Variants in ZNF740 observed in about 807,000 individuals in gnomAD.
ZNF740 encodes the protein zinc finger protein 740.
In ZNF740, 14 loss-of-function variants were observed where a neutral mutation model predicts 24.8. The observed-to-expected ratio is 0.56, with a 90% CI of 0.37 to 0.88. ZNF740 has a LOEUF of 0.88. Ranked by LOEUF, ZNF740 falls within the 40% of genes least tolerant of loss-of-function variation. The pLI, the probability that ZNF740 is intolerant of heterozygous loss-of-function variation, is 0.00. For missense variants in ZNF740, 201 were observed against 247.9 expected, an observed-to-expected ratio of 0.81 and a Z score of 1.27; for synonymous variants, 69 against 84.0, an observed-to-expected ratio of 0.82 and a Z score of 0.98.
chr12:53,186,297 C>T (rs1941819147), intron 5 of ZNF740, 94 bp from the exon 6 acceptor site: 26 of 1,257,322 alleles, frequency 2.1e-5, no homozygotes, highest in Non-Finnish European at 2.9e-5. Context: ...TAGGTGTCTA[C>T]ACATTACTAA....
chr12:53,189,882 T>TA lies in ZNF740; in HGVS notation c.*2293dup, dbSNP rs1447629317. 1 of 152,250 alleles carries TA rather than the reference T, an allele frequency of 6.6e-6. No homozygotes were observed. Among genetic ancestry groups the TA allele is most frequent in the East Asian group, 1.9e-4 (1 of 5,200 alleles). 9.4% of individuals were successfully genotyped at this position (152,250 alleles called of 1,614,324 possible). On this transcript the variant is annotated 3_prime_UTR_variant, in exon 7 of 7. Coordinates refer to ENST00000416904, the MANE Select transcript of ZNF740 (RefSeq NM_001004304.4). ...ATGAGAGCCCTCTGTCCCTGCCACT[T>TA]ACAGCTAGTCTCTTTGGGATAGGGG...
Position 53,192,517 on chromosome 12 carries a change from G to C in ZNF740, c.*4927G>C, listed in dbSNP as rs112684199. The C allele has an allele frequency of 6.2e-7, 1 of 1,614,066 alleles. No individual in the cohort carries two copies. Among genetic ancestry groups the C allele is most frequent in the Admixed American group, 1.7e-5 (1 of 60,030 alleles). On this transcript the variant is annotated 3_prime_UTR_variant, in exon 7 of 7. Coordinates refer to ENST00000416904, the MANE Select transcript of ZNF740 (RefSeq NM_001004304.4). ...TGGTGGCCAGTGGGCCAGTCCTGAA[G>C]GCCCCACACTCTGCACAGTCCCTGT... is the stretch of plus-strand genomic sequence containing the variant.
chr12:53,184,919 C>A lies in ZNF740; in HGVS notation c.38C>A (p.Ala13Glu). Residue 13 changes from alanine (A) to glutamate (E), a missense_variant, in exon 3 of 7, where the codon GCA becomes GAA. Ala to Glu is a moderately radical substitution (Grantham distance 107, BLOSUM62 -1). Coordinates refer to ENST00000416904, the MANE Select transcript of ZNF740 (RefSeq NM_001004304.4). ...AGTCTCCTGGCTTGTGAAGGCCTAG[C>A]AGGTGTGAGTTTGGTTCCCACTGCA... ...QASLLACEGLAGVSLVPTAAS... is the reference protein window; with the variant it reads ...QASLLACEGLEGVSLVPTAAS... The A allele has an allele frequency of 6.2e-7, 1 of 1,613,798 alleles. No homozygotes were observed. Among genetic ancestry groups the A allele is most frequent in the Non-Finnish European group, 8.5e-7 (1 of 1,179,802 alleles).
rs1269114878 is a variant in ZNF740, at chr12:53,181,829, A to AT, written c.-152dup. On this transcript the variant is annotated 5_prime_UTR_variant, in exon 2 of 7. Transcript: ENST00000416904. ...TTTTCTTCGGAGGACACTAAGTTCT[A>AT]TTTGAAGACAAAGTTCAATATGGCA... 2.1e-6 allele frequency: 2 copies of AT among 933,818 alleles called. No individual in the cohort carries two copies. Among genetic ancestry groups the AT allele is most frequent in the Non-Finnish European group, 3.2e-6 (2 of 619,246 alleles). 57.8% of individuals were successfully genotyped at this position (933,818 alleles called of 1,614,324 possible). A position where few individuals can be genotyped will look rare whatever the true frequency, so the allele number is the denominator to read the frequency against.
chr12:53,187,426 C>T, intron 6 of ZNF740, 75 bp from the exon 7 acceptor site: 5 of 1,221,126 alleles, frequency 4.1e-6, no homozygotes, highest in Non-Finnish European at 6.0e-6. Flanking sequence ...TATCTGCCTC[C>T]TGTGAGAGGA....
At position 53,193,166 on chromosome 12, in the gene ZNF740, T is replaced by A. The variant is rs1458687964; in HGVS notation, c.*5576T>A. 2 of 1,612,952 alleles carry A rather than the reference T, an allele frequency of 1.2e-6. No homozygotes were observed. The highest frequency in any genetic ancestry group is 2.2e-5 in the South Asian group (2 of 91,026). ...TCCGCAGAGGATGCCCTCATGTCGC[T>A]CACAGCTGGCATCGTCACACTCGCA... is the stretch of plus-strand genomic sequence containing the variant. On this transcript the variant is annotated 3_prime_UTR_variant, in exon 7 of 7. Transcript: ENST00000416904.
Position 53,184,114 on chromosome 12 carries a change from G to GGTGTGTGTGTGTGTGTGTGT in ZNF740, c.10-759_10-740dup, listed in dbSNP as rs754768891. Reference sequence around the variant, plus strand: ...TCAAAAGTGGGCTCTGAAGCTAAGGGGTGTGTGTGTGTGTGTGTGTGTGTG... The same window carrying GGTGTGTGTGTGTGTGTGTGT: ...TCAAAAGTGGGCTCTGAAGCTAAGGGGTGTGTGTGTGTGTGTGTGTGTGTGTGTGTGTGTGTGTGTGTGTG... On this transcript the variant is annotated intron_variant, in intron 2 of 6. Transcript: ENST00000416904. 1.6e-3 allele frequency among the ~76,000 whole-genome samples: 199 copies of GGTGTGTGTGTGTGTGTGTGT among 123,550 alleles called. 1 individual carries two copies. The highest frequency in any genetic ancestry group is 0.011 in the East Asian group (42 of 3,880). 81.1% of individuals were successfully genotyped at this position (123,550 alleles called of 152,430 possible). A position where few individuals can be genotyped will look rare whatever the true frequency, so the allele number is the denominator to read the frequency against.
chr12:53,186,170 G>T (rs1372593846), intron 5 of ZNF740, 93 bp downstream of exon 5: 10 of 1,458,840 alleles, frequency 6.9e-6, no homozygotes, highest in Non-Finnish European at 9.3e-6. Context: ...ATTTTAATGG[G>T]TAAGTATTAG....
At chr12:53,185,503 T>G (rs1941805899) in intron 4 of ZNF740, 27 bp downstream of exon 4, 2 of 1,603,026 alleles carry the variant, frequency 1.2e-6, no homozygotes, top group Middle Eastern at 3.6e-4. Flanking sequence ...TCCCCCAAAC[T>G]CATACAGTTT....
intron 2 of ZNF740, among the ~76,000 whole-genome samples, chr12:53,184,111 A>AGG (rs202020473): frequency 0.027 from 2,674 of 97,678 alleles, 72 homozygotes; most frequent in African/African-American, 0.08. Flanking sequence ...TCTGAAGCTA[A>AGG]GGGGTGTGTG....
intron 2 of ZNF740, among the ~76,000 whole-genome samples, chr12:53,184,041 T>C (rs1457398681): frequency 6.8e-6 from 1 of 146,296 alleles, no homozygotes; most frequent in Non-Finnish European, 1.5e-5. Flanking sequence ...AAGCAAAAAA[T>C]GAAACAAACC....
At position 53,194,098 on chromosome 12, in the gene ZNF740, A is replaced by C; in HGVS notation, c.*6508A>C. The C allele has an allele frequency of 6.5e-7, 1 of 1,529,270 alleles. No homozygotes were observed. Among genetic ancestry groups the C allele is most frequent in the Non-Finnish European group, 9.0e-7 (1 of 1,114,710 alleles). The allele number at this position is 1,529,270 out of a possible 1,614,324, so 94.7% of individuals were successfully genotyped here. On this transcript the variant is annotated 3_prime_UTR_variant, in exon 7 of 7. Transcript: ENST00000416904. ...GGATGGAGGACTACCTCAGGCTCTC[A>C]TGTCACTCCCTGTACCTGCCACCCA...
At position 53,194,122 on chromosome 12, in the gene ZNF740, C is replaced by A; in HGVS notation, c.*6532C>A. ...CATGTCACTCCCTGTACCTGCCACC[C>A]ATCTTTTCCTGCCTGCTTAATTTCC... On this transcript the variant is annotated 3_prime_UTR_variant, in exon 7 of 7. Coordinates refer to ENST00000416904, the MANE Select transcript of ZNF740 (RefSeq NM_001004304.4). The A allele has an allele frequency of 6.3e-7, 1 of 1,589,564 alleles. No individual in the cohort carries two copies. The highest frequency in any genetic ancestry group is 1.1e-5 in the South Asian group (1 of 89,102).
In ZNF740 at chr12:53,192,848, C is replaced by T. The variant is rs202075038; in HGVS notation, c.*5258C>T. ...CAACTGTCCATGTCCCCACTGCATT[C>T]GCATGCTCTGCCCGTGCGGTTGGCA... On this transcript the variant is annotated 3_prime_UTR_variant, in exon 7 of 7. Transcript: ENST00000416904. 14 of 1,614,216 alleles carry T rather than the reference C, an allele frequency of 8.7e-6. No individual in the cohort carries two copies. The highest frequency in any genetic ancestry group is 1.6e-4 in the Middle Eastern group (1 of 6,062).
At position 53,193,756 on chromosome 12, in the gene ZNF740, G is replaced by T; in HGVS notation, c.*6166G>T. 1 of 1,614,032 alleles carries T rather than the reference G, an allele frequency of 6.2e-7. No homozygotes were observed. Among genetic ancestry groups the T allele is most frequent in the Non-Finnish European group, 8.5e-7 (1 of 1,179,978 alleles). On this transcript the variant is annotated 3_prime_UTR_variant, in exon 7 of 7. Coordinates refer to ENST00000416904, the MANE Select transcript of ZNF740 (RefSeq NM_001004304.4). Reference sequence around the variant, plus strand: ...TCCCTGGCCATCACTGCAGTGGGGAGCCTGGGGCTGGGTGTCACTGCAATT... The same window carrying T: ...TCCCTGGCCATCACTGCAGTGGGGATCCTGGGGCTGGGTGTCACTGCAATT...
rs1217144809 is a variant in ZNF740 at position 53,193,416 on chromosome 12, G to A, written c.*5826G>A. 1 of 1,319,834 alleles carries A rather than the reference G, an allele frequency of 7.6e-7. No homozygotes were observed. The highest frequency in any genetic ancestry group is 1.0e-6 in the Non-Finnish European group (1 of 975,452). The allele number at this position is 1,319,834 out of a possible 1,614,324, so 81.8% of individuals were successfully genotyped here. On this transcript the variant is annotated 3_prime_UTR_variant, in exon 7 of 7. Coordinates refer to ENST00000416904, the MANE Select transcript of ZNF740 (RefSeq NM_001004304.4). ...TAGGTCAGAGGGTTTGATCACCCCTGACTTGTCTCTCCCAGGAACCTCTAA... is the reference window on the plus strand; with the variant it reads ...TAGGTCAGAGGGTTTGATCACCCCTAACTTGTCTCTCCCAGGAACCTCTAA...
At chr12:53,187,220 G>A (rs1941840822) in intron 6 of ZNF740, among the ~76,000 whole-genome samples, 1 of 152,220 alleles carries the variant, frequency 6.6e-6, no homozygotes, top group South Asian at 2.1e-4. Flanking sequence ...CTGTGAGTAG[G>A]TACTTTTAGC....
Position 53,194,013 on chromosome 12 carries a change from T to G in ZNF740, c.*6423T>G. 7.6e-7 allele frequency: 1 copy of G among 1,312,284 alleles called. No homozygotes were observed. The highest frequency in any genetic ancestry group is 1.1e-6 in the Non-Finnish European group (1 of 943,860). 81.3% of individuals were successfully genotyped at this position (1,312,284 alleles called of 1,614,324 possible). A position where few individuals can be genotyped will look rare whatever the true frequency, so the allele number is the denominator to read the frequency against. On this transcript the variant is annotated 3_prime_UTR_variant, in exon 7 of 7. Coordinates refer to ENST00000416904, the MANE Select transcript of ZNF740 (RefSeq NM_001004304.4). ...TAGTAAATGAAGGGATGGGGTCATG[T>G]TAACACCCAACTCCTAGAAACATGC... is the stretch of plus-strand genomic sequence containing the variant.
In ZNF740 at chr12:53,189,873, C is replaced by T. The variant is rs1266085929; in HGVS notation, c.*2283C>T. 1 of 152,196 alleles carries T rather than the reference C, an allele frequency of 6.6e-6. No individual in the cohort carries two copies. Among genetic ancestry groups the T allele is most frequent in the Non-Finnish European group, 1.5e-5 (1 of 68,050 alleles). 9.4% of individuals were successfully genotyped at this position (152,196 alleles called of 1,614,324 possible). A position where few individuals can be genotyped will look rare whatever the true frequency, so the allele number is the denominator to read the frequency against. On this transcript the variant is annotated 3_prime_UTR_variant, in exon 7 of 7. Transcript: ENST00000416904. ...CTTTTGAAAATGAGAGCCCTCTGTC[C>T]CTGCCACTTACAGCTAGTCTCTTTG...
Sources: gnomAD v4.1 joint callset for allele counts (sites outside exome capture counted in the v4.1 genomes callset) on GRCh38, gnomAD v4.1.1 for gene constraint, MANE v1.5 for transcripts, NCBI Gene and HGNC (gene_info 2026-07-23, HGNC 2026-07-21) for gene names.